Variants in IGF2BP3 observed in about 807,000 individuals in gnomAD.
IGF2BP3 encodes the protein insulin-like growth factor 2 mRNA-binding protein 3.
IGF2BP3 carries 9 observed loss-of-function variants against 73.8 expected under a neutral mutation model. The observed-to-expected ratio is 0.12, with a 90% confidence interval of 0.07 to 0.21. The LOEUF (loss-of-function observed/expected upper bound fraction) is 0.21, where lower values mean the gene tolerates loss of function less well. Among genes scored for constraint, IGF2BP3 ranks in the 10% least tolerant of loss-of-function variants. IGF2BP3 has a pLI of 1.00. For missense variants in IGF2BP3, 542 were observed against 714.0 expected, an observed-to-expected ratio of 0.76 and a Z score of 2.75; for synonymous variants, 258 against 256.7, an observed-to-expected ratio of 1.01 and a Z score of -0.05.
intron 3 of IGF2BP3, among the ~76,000 whole-genome samples, chr7:23,396,258 G>A (rs753034406): frequency 6.6e-6 from 1 of 151,938 alleles, no homozygotes; most frequent in Non-Finnish European, 1.5e-5. Context: ...TGGCTTGGGG[G>A]TAGGGGGCAG....
In IGF2BP3 at chr7:23,312,312, T is replaced by G. The variant is rs565811994; in HGVS notation, c.*50A>C. On this transcript the variant is annotated 3_prime_UTR_variant, in exon 15 of 15. Transcript: ENST00000258729. ...CAGCGCCCATCTGTTGGTTAAGCAA[T>G]CTGTCTTTGGTTTGGCATCTGCCTC... is the stretch of plus-strand genomic sequence containing the variant. The G allele has an allele frequency of 3.8e-6, 5 of 1,317,248 alleles. No individual in the cohort carries two copies. The South Asian group carries it at 5.9e-5, about 16-fold the overall frequency. The allele number at this position is 1,317,248 out of a possible 1,614,324, so 81.6% of individuals were successfully genotyped here.
At chr7:23,400,885 C>T (rs1173038243) in intron 3 of IGF2BP3, among the ~76,000 whole-genome samples, 1 of 152,220 alleles carries the variant, frequency 6.6e-6, no homozygotes, top group Admixed American at 6.5e-5. Flanking sequence ...CTGCAGTATC[C>T]ACCTCCTGGG....
Position 23,317,720 on chromosome 7 carries a change from C to A in IGF2BP3, c.1321-7G>T. 3 of 1,611,852 alleles carry A rather than the reference C, an allele frequency of 1.9e-6. No individual in the cohort carries two copies. Among genetic ancestry groups the A allele is most frequent in the African/African-American group, 1.3e-5 (1 of 75,028 alleles). ...GTGCTTCCGCTGGAGCAATCTGTAACAGACCCAACAACAAGTTATGATACT... is the reference window on the plus strand; with the variant it reads ...GTGCTTCCGCTGGAGCAATCTGTAAAAGACCCAACAACAAGTTATGATACT... On this transcript the variant is annotated splice_region_variant and splice_polypyrimidine_tract_variant and intron_variant, in intron 11 of 14. Coordinates refer to ENST00000258729, the MANE Select transcript of IGF2BP3 (RefSeq NM_006547.3).
At chr7:23,448,638 TTTG>T (rs1481150118) in intron 2 of IGF2BP3, among the ~76,000 whole-genome samples, 2 of 150,988 alleles carry the variant, frequency 1.3e-5, no homozygotes, top group Non-Finnish European at 2.9e-5. Flanking sequence ...TGTTTGTTTG[TTTG>T]TTTTTTTGAG....
chr7:23,437,072 T>C (rs1787823384), intron 2 of IGF2BP3, among the ~76,000 whole-genome samples: 1 of 151,936 alleles, frequency 6.6e-6, no homozygotes, highest in Admixed American at 6.6e-5. Flanking sequence ...TGAGCTGAGA[T>C]CGTGCGACTG....
At chr7:23,361,199 G>A (rs1437131358) in intron 5 of IGF2BP3, 1 of 219,180 alleles carries the variant, frequency 4.6e-6, no homozygotes, top group Non-Finnish European at 9.1e-6. Flanking sequence ...TAATATATGT[G>A]TCATACAAGA....
intron 3 of IGF2BP3, among the ~76,000 whole-genome samples, chr7:23,368,897 CAA>C (rs201937406): frequency 8.2e-6 from 1 of 122,406 alleles, no homozygotes; most frequent in Non-Finnish European, 1.8e-5. Context: ...AACTTTGTCT[CAA>C]AAAAAAAAGA....
In IGF2BP3 at chr7:23,311,658, T is replaced by G. The variant is rs1266050462; in HGVS notation, c.*704A>C. ...CTGTCACCAGCCAGAAGTAAAAATC[T>G]TAATTTGCCTGTTAGCTGATTGCTG... is the stretch of plus-strand genomic sequence containing the variant. On this transcript the variant is annotated 3_prime_UTR_variant, in exon 15 of 15. Transcript: ENST00000258729. 6.6e-6 allele frequency: 1 copy of G among 152,598 alleles called. No individual in the cohort carries two copies. The highest frequency in any genetic ancestry group is 1.5e-5 in the Non-Finnish European group (1 of 68,046). The allele number at this position is 152,598 out of a possible 1,614,324, so 9.5% of individuals were successfully genotyped here.
intron 3 of IGF2BP3, among the ~76,000 whole-genome samples, chr7:23,369,449 CCTGA>C (rs768380517): frequency 1.3e-5 from 2 of 152,178 alleles, no homozygotes; most frequent in East Asian, 3.9e-4. Context: ...CAGATTTGAA[CCTGA>C]CTGTCTCCTT....
intron 10 of IGF2BP3, among the ~76,000 whole-genome samples, chr7:23,323,753 A>G (rs574383124): frequency 2.6e-4 from 40 of 152,254 alleles, no homozygotes; most frequent in Non-Finnish European, 4.8e-4. Flanking sequence ...ACTAGAACTC[A>G]GGATTAAGAA....
At chr7:23,313,180 CT>C (rs1049675814) in intron 13 of IGF2BP3, among the ~76,000 whole-genome samples, 1 of 152,152 alleles carries the variant, frequency 6.6e-6, no homozygotes, top group Non-Finnish European at 1.5e-5. Context: ...AAACAGTTTG[CT>C]TTTTTTCCAT....
At chr7:23,378,902 G>C (rs557935644) in intron 3 of IGF2BP3, among the ~76,000 whole-genome samples, 1 of 152,140 alleles carries the variant, frequency 6.6e-6, no homozygotes, top group Admixed American at 6.5e-5. Context: ...TCCCCCGGAA[G>C]AGTACTGGAG....
chr7:23,318,583 T>C (rs1427239490), intron 11 of IGF2BP3, among the ~76,000 whole-genome samples: 1 of 152,152 alleles, frequency 6.6e-6, no homozygotes, highest in African/African-American at 2.4e-5. Flanking sequence ...CACACAGTTA[T>C]CTATTACGGC....
chr7:23,375,999 T>C (rs527395576), intron 3 of IGF2BP3, among the ~76,000 whole-genome samples: 1 of 152,342 alleles, frequency 6.6e-6, no homozygotes, highest in East Asian at 1.9e-4. Flanking sequence ...GAATTTAGCA[T>C]GAGCAGTTCT....
At chr7:23,329,723 G>C (rs17797011) in intron 10 of IGF2BP3, among the ~76,000 whole-genome samples, 10,731 of 152,274 alleles carry the variant, frequency 0.07, 533 homozygotes, top group Admixed American at 0.14. Flanking sequence ...GTGAGTGTAT[G>C]CAGCAGCCAT....
chr7:23,324,358 A>G lies in IGF2BP3; in HGVS notation c.1204-5104T>C, dbSNP rs1583884843. ...AATTCCTCGACACATACACCCTCCCAAGACTAAGCCAGGAAGAAGTTGAAT... is the reference window on the plus strand; with the variant it reads ...AATTCCTCGACACATACACCCTCCCGAGACTAAGCCAGGAAGAAGTTGAAT... On this transcript the variant is annotated intron_variant, in intron 10 of 14. Transcript: ENST00000258729. Among the ~76,000 whole-genome samples, 5 of 152,054 alleles carry G rather than the reference A, an allele frequency of 3.3e-5. No homozygotes were observed. The South Asian group carries it at 1.0e-3, about 32-fold the overall frequency.
intron 2 of IGF2BP3, among the ~76,000 whole-genome samples, chr7:23,451,239 G>A (rs1788188829): frequency 6.6e-6 from 1 of 152,132 alleles, no homozygotes; most frequent in Admixed American, 6.5e-5. Context: ...CCAACATGGT[G>A]AAACCTGGTC....
chr7:23,412,508 C>T (rs1409601843), intron 3 of IGF2BP3, among the ~76,000 whole-genome samples: 7 of 152,202 alleles, frequency 4.6e-5, no homozygotes, highest in Non-Finnish European at 1.5e-5. Context: ...GCTCGGAAAA[C>T]AGTCATTCCA....
chr7:23,378,990 C>T (rs776422477), intron 3 of IGF2BP3, among the ~76,000 whole-genome samples: 2 of 152,152 alleles, frequency 1.3e-5, no homozygotes, highest in Non-Finnish European at 2.9e-5. Context: ...GCTTACCACA[C>T]CAACTCATTG....
Sources: allele counts gnomAD v4.1 joint callset (sites outside exome capture counted in the v4.1 genomes callset), GRCh38; gene constraint gnomAD v4.1.1; transcripts MANE v1.5; gene names NCBI Gene and HGNC (gene_info 2026-07-23, HGNC 2026-07-21).